Variants in PKHD1 observed in about 807,000 individuals in gnomAD.
PKHD1 encodes the protein PKHD1 ciliary IPT domain containing fibrocystin/polyductin.
In PKHD1, 291 loss-of-function variants were observed where a neutral mutation model predicts 412.0. That is an observed-to-expected ratio of 0.71 (90% CI 0.64 to 0.78). PKHD1 has a LOEUF of 0.78. Ranked by LOEUF, PKHD1 falls within the 30% of genes least tolerant of loss-of-function variation. PKHD1 has a pLI of 0.00. For missense variants in PKHD1, 4,825 were observed against 4,950.7 expected (o/e 0.97, Z 0.76); for synonymous variants, 1,777 against 1,821.5 (o/e 0.98, Z 0.62).
chr6:51,799,757 T>C (rs1004898460), intron 52 of PKHD1, among the ~76,000 whole-genome samples: 2 of 152,128 alleles, frequency 1.3e-5, no homozygotes, highest in African/African-American at 4.8e-5. Flanking sequence ...TTTTGAGGAG[T>C]GGAAAGCTGG....
Position 51,648,074 on chromosome 6 carries a change from T to C in PKHD1, c.11355A>G (p.Thr3785=). ...ATGCTCCTTCCAGGGAAGCTGAAAT[T>C]GTCCATGGCTCTGAAGGAGGTCCCA... The part of the protein sequence containing the change: ...ESLGPPSEPW[T]ISASLEGASD... Residue 3785 remains threonine (T), a synonymous_variant, in exon 63 of 67, where the codon ACA becomes ACG. Transcript: ENST00000371117. The C allele has an allele frequency of 6.2e-7, 1 of 1,609,914 alleles. No homozygotes were observed. Among genetic ancestry groups the C allele is most frequent in the Non-Finnish European group, 8.5e-7 (1 of 1,176,114 alleles).
Position 52,010,360 on chromosome 6 carries a change from T to C in PKHD1, c.5700A>G (p.Pro1900=), listed in dbSNP as rs1405636454. 2 of 1,613,768 alleles carry C rather than the reference T, an allele frequency of 1.2e-6. No homozygotes were observed. The highest frequency in any genetic ancestry group is 1.7e-6 in the Non-Finnish European group (2 of 1,179,718). ...GTATCTCAGTAATCTTGACGGTAATTGGCTGATTGGGCGTCTCACACTCCA... is the reference window on the plus strand; with the variant it reads ...GTATCTCAGTAATCTTGACGGTAATCGGCTGATTGGGCGTCTCACACTCCA... ...AEMECETPNQ[P]ITVKITEIRK... is the part of the protein sequence containing the mutation. The change falls in exon 35 of 67, where the codon CCA becomes CCG. Residue 1900 remains proline (P), a synonymous_variant. Coordinates refer to ENST00000371117, the MANE Select transcript of PKHD1 (RefSeq NM_138694.4).
chr6:51,762,587 T>C (rs865793349), intron 55 of PKHD1, among the ~76,000 whole-genome samples: 2 of 152,106 alleles, frequency 1.3e-5, no homozygotes, highest in Middle Eastern at 3.4e-3. Flanking sequence ...TTGTGTAAGA[T>C]ACAAGCTTAT....
chr6:51,661,931 A>C (rs1444929281), intron 60 of PKHD1, among the ~76,000 whole-genome samples: 2 of 152,018 alleles, frequency 1.3e-5, no homozygotes, highest in Non-Finnish European at 2.9e-5. Flanking sequence ...TCCATATGAT[A>C]TAATTATAAA....
Position 52,048,489 on chromosome 6 carries a change from T to C in PKHD1, c.2407+3A>G. ...ATTGTTGCAACCCCAATCACCCCTT[T>C]ACCAGAAATCACTGTATTAGGAAGC... is the stretch of plus-strand genomic sequence containing the variant. On this transcript the variant is annotated splice_donor_region_variant and intron_variant, in intron 23 of 66. Transcript: ENST00000371117. 1 of 1,614,038 alleles carries C rather than the reference T, an allele frequency of 6.2e-7. No individual in the cohort carries two copies. The highest frequency in any genetic ancestry group is 1.1e-5 in the South Asian group (1 of 91,078).
Position 51,632,674 on chromosome 6 carries a change from A to G in PKHD1, c.11556T>C (p.Thr3852=). 6.2e-7 allele frequency: 1 copy of G among 1,613,524 alleles called. No homozygotes were observed. Among genetic ancestry groups the G allele is most frequent in the Non-Finnish European group, 8.5e-7 (1 of 1,179,578 alleles). Residue 3852 remains threonine (T), a synonymous_variant, in exon 65 of 67, where the codon ACT becomes ACC. Transcript: ENST00000371117. ...RSKPFAVLPV[T]RKEKSTIILA... ...GGATGATGGTCGACTTCTCCTTCCT[A>G]GTCACAGGCAAGACAGCAAATGGCT...
Position 51,619,246 on chromosome 6 carries a change from T to C in PKHD1, c.12060A>G (p.Leu4020=). Residue 4020 remains leucine, a synonymous_variant, in exon 67 of 67, where the codon CTA becomes CTG. Coordinates refer to ENST00000371117, the MANE Select transcript of PKHD1 (RefSeq NM_138694.4). Reference sequence around the variant, plus strand: ...GCCTCTCTTGTCTGAAGTCTGGGCATAGCAGCAGCAGCTGATTTTGGCCTG... The same window carrying C: ...GCCTCTCTTGTCTGAAGTCTGGGCACAGCAGCAGCAGCTGATTTTGGCCTG... The part of the protein sequence containing the change: ...QLAGQNQLLL[L]CPDFRQERQQ... The C allele has an allele frequency of 6.2e-7, 1 of 1,614,270 alleles. No homozygotes were observed. Among genetic ancestry groups the C allele is most frequent in the Non-Finnish European group, 8.5e-7 (1 of 1,180,046 alleles).
intron 35 of PKHD1, among the ~76,000 whole-genome samples, chr6:51,968,861 T>C (rs1793236439): frequency 6.6e-6 from 1 of 152,166 alleles, no homozygotes; most frequent in Non-Finnish European, 1.5e-5. Context: ...AATTCAAACA[T>C]ATTACTTGTA....
chr6:51,749,529 G>C (rs1785742699), intron 57 of PKHD1, among the ~76,000 whole-genome samples: 1 of 152,028 alleles, frequency 6.6e-6, no homozygotes, highest in African/African-American at 2.4e-5. Flanking sequence ...CAATAATAAT[G>C]AGGTGAATTA....
At chr6:51,903,776 C>T (rs202119061) in intron 42 of PKHD1, 49 bp from the exon 43 acceptor site, 59 of 1,485,000 alleles carry the variant, frequency 4.0e-5, no homozygotes, top group Non-Finnish European at 4.9e-5. Flanking sequence ...TTAAAATGTA[C>T]TCAACTCAAC....
chr6:51,908,393 A>G (rs1328531838), intron 40 of PKHD1, among the ~76,000 whole-genome samples: 1 of 152,092 alleles, frequency 6.6e-6, no homozygotes, highest in African/African-American at 2.4e-5. Context: ...TTTGTCAGGC[A>G]TCAACCTCTG....
chr6:51,746,891 T>C lies in PKHD1; in HGVS notation c.9830-2A>G, dbSNP rs890681861. On this transcript the variant is annotated splice_acceptor_variant, in intron 58 of 66. Transcript: ENST00000371117. LOFTEE classifies it high-confidence loss of function. ...TCACAAAACTAGAAAAGGTAACATCTGAAATTTTAAAAATATGTATCATAA... is the reference window on the plus strand; with the variant it reads ...TCACAAAACTAGAAAAGGTAACATCCGAAATTTTAAAAATATGTATCATAA... The C allele has an allele frequency of 1.9e-6, 3 of 1,571,878 alleles. No individual in the cohort carries two copies. The highest frequency in any genetic ancestry group is 1.4e-5 in the African/African-American group (1 of 73,796).
At chr6:51,954,710 C>A (rs754713280) in intron 36 of PKHD1, among the ~76,000 whole-genome samples, 1 of 149,602 alleles carries the variant, frequency 6.7e-6, no homozygotes, top group African/African-American at 2.5e-5. Context: ...AACAAATTAG[C>A]ATATCAATCA....
chr6:51,911,012 G>C (rs756711846), intron 39 of PKHD1, among the ~76,000 whole-genome samples: 165 of 152,078 alleles, frequency 1.1e-3, no homozygotes, highest in Middle Eastern at 0.01. Context: ...CTGGCCTGCT[G>C]GCATCTCAGT....
Position 51,895,866 on chromosome 6 carries a change from G to T in PKHD1, c.6996+7731C>A, listed in dbSNP as rs534049564. Reference sequence around the variant, plus strand: ...ATTGCCTCACTCGGGAAGCTCAAGGGGTCAGGGAGTTCCCTTTCCTAGTCA... The same window carrying T: ...ATTGCCTCACTCGGGAAGCTCAAGGTGTCAGGGAGTTCCCTTTCCTAGTCA... On this transcript the variant is annotated intron_variant, in intron 43 of 66. Coordinates refer to ENST00000371117, the MANE Select transcript of PKHD1 (RefSeq NM_138694.4). 5.3e-5 allele frequency among the ~76,000 whole-genome samples: 8 copies of T among 152,190 alleles called. 1 individual carries two copies. The highest frequency in any genetic ancestry group is 1.9e-4 in the African/African-American group (8 of 41,536).
chr6:51,666,409 G>C (rs1294161861), intron 60 of PKHD1, among the ~76,000 whole-genome samples: 1 of 152,056 alleles, frequency 6.6e-6, no homozygotes, highest in Admixed American at 6.6e-5. Flanking sequence ...ATTTTTTATA[G>C]AGAAGACAGA....
Position 52,038,330 on chromosome 6 carries a change from G to A in PKHD1, c.3098-2609C>T, listed in dbSNP as rs372069933. 3.8e-4 allele frequency among the ~76,000 whole-genome samples: 57 copies of A among 150,678 alleles called. No individual in the cohort carries two copies. In the South Asian group the frequency reaches 0.011, roughly 30 times the overall value. ...GCAAAGGTTGCAGTGAGCTGAGATC[G>A]CACCACTGCACTCCAGCCTGGGCAA... is the stretch of plus-strand genomic sequence containing the variant. On this transcript the variant is annotated intron_variant, in intron 27 of 66. Transcript: ENST00000371117.
intron 43 of PKHD1, among the ~76,000 whole-genome samples, chr6:51,895,109 C>T (rs1779692551): frequency 1.3e-5 from 2 of 152,168 alleles, no homozygotes; most frequent in African/African-American, 4.8e-5. Context: ...AGGTATATTT[C>T]TAAAATATGT....
chr6:51,699,068 T>A (rs1779118363), intron 60 of PKHD1, among the ~76,000 whole-genome samples: 1 of 152,230 alleles, frequency 6.6e-6, no homozygotes. Flanking sequence ...TATCCAAATC[T>A]GAGAGATTTT....
Sources: allele counts gnomAD v4.1 joint callset (sites outside exome capture counted in the v4.1 genomes callset), GRCh38; gene constraint gnomAD v4.1.1; transcripts MANE v1.5; gene names NCBI Gene and HGNC (gene_info 2026-07-23, HGNC 2026-07-21).